The following SPATA17 variants were observed in gnomAD, a reference collection of about 807,000 sequenced individuals.
SPATA17 encodes the protein spermatogenesis-associated protein 17.
Under a neutral mutation model 62.2 loss-of-function variants are expected in SPATA17, and 53 were observed. The observed-to-expected ratio is 0.85, with a 90% CI of 0.68 to 1.07. The LOEUF (loss-of-function observed/expected upper bound fraction) is 1.07, where lower values mean the gene tolerates loss of function less well. Ranked by LOEUF, SPATA17 falls within the 50% of genes least tolerant of loss-of-function variation. SPATA17 has a pLI of 0.00. For missense variants in SPATA17, 466 were observed against 425.5 expected, an observed-to-expected ratio of 1.10 and a Z score of -0.84; for synonymous variants, 146 against 146.8, an observed-to-expected ratio of 0.99 and a Z score of 0.04.
At chr1:217,742,962 A>G (rs1013767883) in intron 6 of SPATA17, among the ~76,000 whole-genome samples, 7 of 150,926 alleles carry the variant, frequency 4.6e-5, no homozygotes, top group Non-Finnish European at 1.0e-4. Context: ...ATATATATAT[A>G]TATATATTAA....
chr1:217,680,922 T>TAAAAA (rs71166016), intron 4 of SPATA17, among the ~76,000 whole-genome samples: 2 of 58,186 alleles, frequency 3.4e-5, no homozygotes, highest in Non-Finnish European at 6.2e-5. Context: ...GAGACTCTGT[T>TAAAAA]AAAAAAAAAA....
At chr1:217,851,735 G>A (rs1262628174) in intron 9 of SPATA17, among the ~76,000 whole-genome samples, 2 of 152,110 alleles carry the variant, frequency 1.3e-5, no homozygotes, top group African/African-American at 4.8e-5. Context: ...CTAATAAGTA[G>A]AAAACACTGT....
chr1:217,763,435 T>A (rs2102964700), intron 6 of SPATA17, among the ~76,000 whole-genome samples: 1 of 151,956 alleles, frequency 6.6e-6, no homozygotes, highest in East Asian at 1.9e-4. Flanking sequence ...GAGTCATGGA[T>A]ATAACTGGCA....
At chr1:217,841,125 T>C (rs1675386000) in intron 9 of SPATA17, among the ~76,000 whole-genome samples, 1 of 151,996 alleles carries the variant, frequency 6.6e-6, no homozygotes, top group East Asian at 1.9e-4. Flanking sequence ...CACTTAACCA[T>C]GATATTTACC....
intron 1 of SPATA17, among the ~76,000 whole-genome samples, chr1:217,643,763 C>G (rs1670123431): frequency 6.6e-6 from 1 of 151,134 alleles, no homozygotes; most frequent in South Asian, 2.1e-4. Flanking sequence ...GAGTCTCACT[C>G]TGTTGCCCAG....
rs567750463 is a variant in SPATA17 at position 217,687,153 on chromosome 1, C to A, written c.395+3792C>A. On this transcript the variant is annotated intron_variant, in intron 5 of 10. Coordinates refer to ENST00000366933, the MANE Select transcript of SPATA17 (RefSeq NM_138796.4). ...TTACAGTTCTTGAATTCATTACTCT[C>A]TTTACTGCTTTTTTAGTAATTAAAA... Among the ~76,000 whole-genome samples, 3 of 152,294 alleles carry A rather than the reference C, an allele frequency of 2.0e-5. No homozygotes were observed. In the East Asian group the frequency reaches 5.8e-4, roughly 29 times the overall value.
At chr1:217,686,999 G>A (rs1042944758) in intron 5 of SPATA17, among the ~76,000 whole-genome samples, 44 of 152,190 alleles carry the variant, frequency 2.9e-4, no homozygotes, top group African/African-American at 1.0e-3. Flanking sequence ...GATTACAGGC[G>A]TGAGCCAACG....
chr1:217,683,512 C>G, intron 5 of SPATA17, 151 bp downstream of exon 5: 1 of 547,326 alleles, frequency 1.8e-6, no homozygotes. Flanking sequence ...AATCTCGGCT[C>G]ACTGCAATCT....
At chr1:217,652,250 G>A (rs1397507886) in intron 3 of SPATA17, among the ~76,000 whole-genome samples, 7 of 152,058 alleles carry the variant, frequency 4.6e-5, no homozygotes, top group African/African-American at 9.7e-5. Flanking sequence ...TTGTTTTTCC[G>A]AGATGGAGTC....
intron 7 of SPATA17, among the ~76,000 whole-genome samples, chr1:217,778,412 T>C (rs1043051844): frequency 1.3e-5 from 2 of 151,966 alleles, no homozygotes; most frequent in South Asian, 2.1e-4. Flanking sequence ...TCCCAGCTAT[T>C]TGGGAGGCTG....
intron 8 of SPATA17, among the ~76,000 whole-genome samples, chr1:217,794,572 G>A (rs768831583): frequency 6.6e-6 from 1 of 152,086 alleles, no homozygotes; most frequent in Non-Finnish European, 1.5e-5. Flanking sequence ...TAGATAAATT[G>A]AAAAGTAATT....
intron 9 of SPATA17, among the ~76,000 whole-genome samples, chr1:217,814,136 C>T (rs1674660486): frequency 6.6e-6 from 1 of 152,058 alleles, no homozygotes; most frequent in African/African-American, 2.4e-5. Context: ...TAAATCTGAG[C>T]ATATTAGTTA....
At chr1:217,795,166 A>G (rs1674100672) in intron 8 of SPATA17, among the ~76,000 whole-genome samples, 1 of 152,128 alleles carries the variant, frequency 6.6e-6, no homozygotes, top group Non-Finnish European at 1.5e-5. Flanking sequence ...AAACACTTAA[A>G]TGGATTTTTG....
Position 217,703,889 on chromosome 1 carries a change from C to T in SPATA17, c.395+20528C>T, listed in dbSNP as rs114523142. Among the ~76,000 whole-genome samples the T allele has an allele frequency of 6.5e-3, 985 of 151,958 alleles. 16 individuals are homozygous for T. The highest frequency in any genetic ancestry group is 0.023 in the African/African-American group (940 of 41,458). ...CTATTTTCCAATTCATGAATTTTCTCTTTAGTTTGTTATTGTCTGCTGTTA... is the reference window on the plus strand; with the variant it reads ...CTATTTTCCAATTCATGAATTTTCTTTTTAGTTTGTTATTGTCTGCTGTTA... On this transcript the variant is annotated intron_variant, in intron 5 of 10. Coordinates refer to ENST00000366933, the MANE Select transcript of SPATA17 (RefSeq NM_138796.4).
chr1:217,817,700 T>C (rs1259212698), intron 9 of SPATA17, among the ~76,000 whole-genome samples: 2 of 152,096 alleles, frequency 1.3e-5, no homozygotes, highest in East Asian at 1.9e-4. Context: ...CCTTACGTGG[T>C]TTCAAAAGCT....
intron 5 of SPATA17, among the ~76,000 whole-genome samples, chr1:217,684,089 G>T (rs922392488): frequency 5.9e-5 from 9 of 152,050 alleles, no homozygotes; most frequent in Non-Finnish European, 1.0e-4. Flanking sequence ...TATTAAAAAG[G>T]TCTGTTCACT....
chr1:217,856,043 G>A (rs1487968487), intron 9 of SPATA17, among the ~76,000 whole-genome samples: 1 of 151,934 alleles, frequency 6.6e-6, no homozygotes, highest in South Asian at 2.1e-4. Context: ...GAACTATTAA[G>A]AAGGAAGATA....
At chr1:217,830,415 G>A (rs988146761) in intron 9 of SPATA17, among the ~76,000 whole-genome samples, 1 of 152,056 alleles carries the variant, frequency 6.6e-6, no homozygotes, top group African/African-American at 2.4e-5. Context: ...AGCATCCTGA[G>A]CCCTGTACTG....
chr1:217,636,245 G>T (rs1669937987), intron 1 of SPATA17, among the ~76,000 whole-genome samples: 2 of 151,718 alleles, frequency 1.3e-5, no homozygotes, highest in Admixed American at 1.3e-4. Flanking sequence ...CTTCAGTTTT[G>T]GTAACAAGGT....
Sources: gnomAD v4.1 joint callset for allele counts (sites outside exome capture counted in the v4.1 genomes callset) on GRCh38, gnomAD v4.1.1 for gene constraint, MANE v1.5 for transcripts, NCBI Gene and HGNC (gene_info 2026-07-23, HGNC 2026-07-21) for gene names.